TNPO1: variants seen among roughly 807,000 people sequenced by gnomAD.
The protein encoded by TNPO1 is transportin-1.
Under a neutral mutation model 119.5 loss-of-function variants are expected in TNPO1, and 8 were observed. The observed-to-expected ratio is 0.07, with a 90% CI of 0.04 to 0.12. The LOEUF is 0.12. TNPO1 is among the 10% of genes least tolerant of loss of function. The pLI is 1.00. For missense variants in TNPO1, 576 were observed against 1,089.8 expected, an observed-to-expected ratio of 0.53 and a Z score of 6.64; for synonymous variants, 362 against 363.0, an observed-to-expected ratio of 1.00 and a Z score of 0.03.
chr5:72,830,938 A>G (rs1187267398), intron 1 of TNPO1, among the ~76,000 whole-genome samples: 1 of 152,188 alleles, frequency 6.6e-6, no homozygotes, highest in African/African-American at 2.4e-5. Context: ...TATCTACCTT[A>G]AAGACTAAAC....
intron 23 of TNPO1, among the ~76,000 whole-genome samples, chr5:72,904,092 A>G (rs1353814586): frequency 6.6e-6 from 1 of 152,218 alleles, no homozygotes; most frequent in Non-Finnish European, 1.5e-5. Flanking sequence ...GACTTGGAGT[A>G]TAATCTGAAA....
chr5:72,908,946 C>CAAA lies in TNPO1; in HGVS notation c.*284_*286dup. ...CAACTCCGCAGTGGATGTGAAGAAGCAAAAAAAAAAAAATCTATTCAGTCT... is the reference window on the plus strand; with the variant it reads ...CAACTCCGCAGTGGATGTGAAGAAGCAAAAAAAAAAAAAAAATCTATTCAGTCT... On this transcript the variant is annotated 3_prime_UTR_variant, in exon 25 of 25. Coordinates refer to ENST00000337273, the MANE Select transcript of TNPO1 (RefSeq NM_002270.4). 2.8e-6 allele frequency: 1 copy of CAAA among 361,368 alleles called. No homozygotes were observed. The highest frequency in any genetic ancestry group is 5.4e-6 in the Non-Finnish European group (1 of 184,372). 22.4% of individuals were successfully genotyped at this position (361,368 alleles called of 1,614,324 possible). A position where few individuals can be genotyped will look rare whatever the true frequency, so the allele number is the denominator to read the frequency against.
Position 72,905,450 on chromosome 5 carries a change from G to A in TNPO1, c.*35+5G>A. ...GCTGCAGTCCCAAAATTAGGGGTAA[G>A]TTATAAGAAGTTTGGAAATTTTCAG... On this transcript the variant is annotated splice_donor_5th_base_variant and intron_variant, in intron 24 of 24. Coordinates refer to ENST00000337273, the MANE Select transcript of TNPO1 (RefSeq NM_002270.4). 1 of 1,422,438 alleles carries A rather than the reference G, an allele frequency of 7.0e-7. No homozygotes were observed. Among genetic ancestry groups the A allele is most frequent in the South Asian group, 1.3e-5 (1 of 79,222 alleles). The allele number at this position is 1,422,438 out of a possible 1,614,324, so 88.1% of individuals were successfully genotyped here. A position where few individuals can be genotyped will look rare whatever the true frequency, so the allele number is the denominator to read the frequency against.
At chr5:72,831,448 G>T (rs1242002869) in intron 1 of TNPO1, among the ~76,000 whole-genome samples, 1 of 151,712 alleles carries the variant, frequency 6.6e-6, no homozygotes, top group Non-Finnish European at 1.5e-5. Flanking sequence ...AAAATTTGGG[G>T]ATTTGTTCTT....
At chr5:72,878,349 C>G (rs1461458494) in intron 9 of TNPO1, among the ~76,000 whole-genome samples, 1 of 151,340 alleles carries the variant, frequency 6.6e-6, no homozygotes, top group African/African-American at 2.4e-5. Flanking sequence ...CCAAATAGTT[C>G]TCTAGGAAAT....
intron 4 of TNPO1, among the ~76,000 whole-genome samples, chr5:72,858,441 C>T (rs1746164957): frequency 6.6e-6 from 1 of 152,152 alleles, no homozygotes; most frequent in Non-Finnish European, 1.5e-5. Flanking sequence ...TTCACACCCA[C>T]CTCCACCCCA....
intron 1 of TNPO1, among the ~76,000 whole-genome samples, chr5:72,817,126 G>C (rs1743729200): frequency 6.6e-6 from 1 of 152,226 alleles, no homozygotes; most frequent in African/African-American, 2.4e-5. Flanking sequence ...GCTGCCCCGG[G>C]ACGGCTGCCT....
intron 21 of TNPO1, among the ~76,000 whole-genome samples, chr5:72,900,674 G>T (rs1044439416): frequency 6.6e-6 from 1 of 152,048 alleles, no homozygotes; most frequent in Non-Finnish European, 1.5e-5. Flanking sequence ...AGTTAATTTG[G>T]TAATTTGTTC....
chr5:72,837,719 G>A (rs1744743014), intron 1 of TNPO1, among the ~76,000 whole-genome samples: 2 of 152,208 alleles, frequency 1.3e-5, no homozygotes, highest in Non-Finnish European at 2.9e-5. Flanking sequence ...AGTTGGGAGT[G>A]TAGTGTGCAG....
chr5:72,900,804 G>C (rs1309406884), intron 21 of TNPO1, 170 bp from the exon 22 acceptor site: 3 of 418,312 alleles, frequency 7.2e-6, no homozygotes, highest in Non-Finnish European at 1.3e-5. Context: ...AGATAAGATG[G>C]GCCCAACAAA....
intron 1 of TNPO1, among the ~76,000 whole-genome samples, chr5:72,828,585 C>T (rs576717678): frequency 1.5e-4 from 23 of 152,094 alleles, no homozygotes; most frequent in Non-Finnish European, 3.1e-4. Flanking sequence ...CCTCTTTAGC[C>T]CTTAATACTT....
intron 3 of TNPO1, among the ~76,000 whole-genome samples, chr5:72,852,970 G>C (rs755551323): frequency 1.3e-5 from 2 of 152,052 alleles, no homozygotes; most frequent in Non-Finnish European, 2.9e-5. Context: ...TTTATAAATG[G>C]ATTTTTTAAA....
rs760797655 is a variant in TNPO1 at position 72,883,128 on chromosome 5, G to T, written c.1046G>T (p.Arg349Leu). ...SEQDIRPRFH[R>L]SRTVAQQHDE... ...CAGGATATACGGCCACGTTTTCACC[G>T]ATCGAGGACGGTGGCTCAGCAGCAT... The change falls in exon 11 of 25, where the codon CGA becomes CTA. Residue 349 changes from arginine (R) to leucine (L), a missense_variant. Coordinates refer to ENST00000337273, the MANE Select transcript of TNPO1 (RefSeq NM_002270.4). 6.2e-7 allele frequency: 1 copy of T among 1,614,066 alleles called. No homozygotes were observed. The highest frequency in any genetic ancestry group is 1.7e-5 in the Admixed American group (1 of 60,006).
chr5:72,873,523 G>A (rs921964590), intron 7 of TNPO1, among the ~76,000 whole-genome samples: 2 of 151,992 alleles, frequency 1.3e-5, no homozygotes, highest in East Asian at 3.8e-4. Flanking sequence ...AGATCCTTTA[G>A]CCATTTACAA....
chr5:72,836,997 C>T (rs1175502117), intron 1 of TNPO1, among the ~76,000 whole-genome samples: 2 of 152,202 alleles, frequency 1.3e-5, no homozygotes, highest in East Asian at 1.9e-4. Flanking sequence ...CTTAAGAAAT[C>T]TCTTAAGAGG....
chr5:72,901,106 C>A, intron 22 of TNPO1, 33 bp downstream of exon 22: 1 of 1,397,424 alleles, frequency 7.2e-7, no homozygotes. Flanking sequence ...TTTTTAATGT[C>A]TAATTAATAA....
chr5:72,871,464 CAAAG>C (rs944480732), intron 6 of TNPO1, among the ~76,000 whole-genome samples: 2 of 151,996 alleles, frequency 1.3e-5, no homozygotes, highest in Admixed American at 1.3e-4. Flanking sequence ...GTGGTTAAGA[CAAAG>C]AAAGGTTTTC....
At chr5:72,850,374 A>G (rs561564971) in intron 2 of TNPO1, among the ~76,000 whole-genome samples, 88 of 152,352 alleles carry the variant, frequency 5.8e-4, no homozygotes, top group Admixed American at 1.9e-3. Context: ...ACTAGAGACT[A>G]TGTTGTTGGT....
chr5:72,819,921 C>G (rs978354793), intron 1 of TNPO1, among the ~76,000 whole-genome samples: 27 of 152,184 alleles, frequency 1.8e-4, no homozygotes, highest in African/African-American at 5.5e-4. Context: ...TAAATAATAA[C>G]TGCTGTTATC....
Sources: allele counts gnomAD v4.1 joint callset (sites outside exome capture counted in the v4.1 genomes callset), GRCh38; gene constraint gnomAD v4.1.1; transcripts MANE v1.5; gene names NCBI Gene and HGNC (gene_info 2026-07-23, HGNC 2026-07-21).